PCDH9: variants seen among roughly 807,000 people sequenced by gnomAD.
PCDH9 encodes the protein protocadherin-9.
A neutral mutation model predicts 70.6 loss-of-function variants in PCDH9; 24 were observed. That is an observed-to-expected ratio of 0.34 (90% CI 0.25 to 0.48). PCDH9 has a LOEUF of 0.48. Ranked by LOEUF, PCDH9 falls within the 20% of genes least tolerant of loss-of-function variation. The pLI is 0.99. For synonymous variants in PCDH9, 562 were observed against 558.5 expected (o/e 1.01, Z -0.09); for missense variants, 1,281 against 1,503.6 (o/e 0.85, Z 2.45).
chr13:66,450,650 A>G (rs1211425955), intron 4 of PCDH9, among the ~76,000 whole-genome samples: 1 of 152,200 alleles, frequency 6.6e-6, no homozygotes, highest in Non-Finnish European at 1.5e-5. Context: ...GCCAATGTCC[A>G]TAAATGGTAA....
intron 3 of PCDH9, among the ~76,000 whole-genome samples, chr13:66,684,551 G>A (rs2078373474): frequency 6.6e-6 from 1 of 152,092 alleles, no homozygotes; most frequent in Non-Finnish European, 1.5e-5. Flanking sequence ...GGTTTTATAA[G>A]GGGCTTTCCC....
intron 4 of PCDH9, among the ~76,000 whole-genome samples, chr13:66,398,570 A>G (rs1957141038): frequency 6.6e-6 from 1 of 152,154 alleles, no homozygotes; most frequent in East Asian, 1.9e-4. Context: ...AAGTTTATAG[A>G]TAACATTTAA....
intron 4 of PCDH9, among the ~76,000 whole-genome samples, chr13:66,599,273 G>T (rs1201842672): frequency 1.3e-5 from 2 of 151,234 alleles, no homozygotes; most frequent in Admixed American, 1.3e-4. Context: ...TTTTTTCTTT[G>T]CTGTGGAAAT....
intron 2 of PCDH9, among the ~76,000 whole-genome samples, chr13:66,968,246 T>G (rs1460682927): frequency 6.6e-6 from 1 of 152,062 alleles, no homozygotes; most frequent in Non-Finnish European, 1.5e-5. Context: ...TTCTTTGTCA[T>G]CTTCTAATTT....
intron 4 of PCDH9, among the ~76,000 whole-genome samples, chr13:66,398,180 G>A (rs1017509213): frequency 7.9e-5 from 12 of 151,962 alleles, no homozygotes; most frequent in Admixed American, 1.3e-4. Context: ...AACAAAACAT[G>A]GAGTGAGAAT....
chr13:67,083,472 A>G (rs907799860), intron 2 of PCDH9, among the ~76,000 whole-genome samples: 9 of 152,208 alleles, frequency 5.9e-5, no homozygotes, highest in African/African-American at 1.9e-4. Context: ...AAAAAGAAAT[A>G]TGACTCTTTA....
At chr13:67,062,946 C>T (rs998652430) in intron 2 of PCDH9, among the ~76,000 whole-genome samples, 1 of 152,102 alleles carries the variant, frequency 6.6e-6, no homozygotes, top group African/African-American at 2.4e-5. Context: ...TTAAAAAGTG[C>T]TAAGCAGAGC....
intron 4 of PCDH9, among the ~76,000 whole-genome samples, chr13:66,328,601 G>A (rs148879118): frequency 1.5e-3 from 234 of 152,200 alleles, no homozygotes; most frequent in African/African-American, 5.3e-3. Context: ...GTTGACGTCC[G>A]TATGTCTTAA....
chr13:66,589,174 T>A (rs1455175567), intron 4 of PCDH9, among the ~76,000 whole-genome samples: 1 of 152,046 alleles, frequency 6.6e-6, no homozygotes, highest in Non-Finnish European at 1.5e-5. Context: ...AATGTTTCCG[T>A]ACCTACATAA....
At chr13:66,741,673 T>G (rs2079265566) in intron 3 of PCDH9, among the ~76,000 whole-genome samples, 1 of 32,856 alleles carries the variant, frequency 3.0e-5, no homozygotes, top group East Asian at 1.4e-3. Flanking sequence ...TGTACAAAAA[T>G]CACAAGCATT....
intron 2 of PCDH9, among the ~76,000 whole-genome samples, chr13:67,003,182 G>A (rs568547537): frequency 5.9e-5 from 9 of 151,994 alleles, no homozygotes; most frequent in African/African-American, 1.9e-4. Flanking sequence ...CACATACATG[G>A]TAAGTGTATA....
intron 2 of PCDH9, among the ~76,000 whole-genome samples, chr13:67,153,059 G>A (rs146341943): frequency 7.9e-5 from 12 of 151,726 alleles, no homozygotes; most frequent in African/African-American, 2.4e-4. Context: ...GGACATGCTC[G>A]CCTCTCCCTC....
intron 4 of PCDH9, among the ~76,000 whole-genome samples, chr13:66,590,574 A>G (rs566259754): frequency 8.7e-4 from 132 of 152,052 alleles, no homozygotes; most frequent in Middle Eastern, 3.4e-3. Context: ...TATAGATCTA[A>G]TCTGTGTTTA....
In PCDH9 at chr13:66,811,411, G is replaced by A. The variant is rs376735604; in HGVS notation, c.3138+92093C>T. On this transcript the variant is annotated intron_variant, in intron 3 of 4. Transcript: ENST00000377865. ...TGTCAAAGATTTTGTAATCATGAAGGGAATAAGTAGTAAAAATGTTTTACG... is the reference window on the plus strand; with the variant it reads ...TGTCAAAGATTTTGTAATCATGAAGAGAATAAGTAGTAAAAATGTTTTACG... Among the ~76,000 whole-genome samples the A allele has an allele frequency of 5.3e-5, 8 of 152,164 alleles. 1 individual carries two copies. The highest frequency in any genetic ancestry group is 1.9e-4 in the African/African-American group (8 of 41,510).
In PCDH9 at chr13:66,976,076, T is replaced by C. The variant is rs117814779; in HGVS notation, c.3037-72471A>G. ...AATATTTCTGTTGAAAGATAGGGCA[T>C]GTACAAAGTAAGACAGGAGACGGTC... On this transcript the variant is annotated intron_variant, in intron 2 of 4. Coordinates refer to ENST00000377865, the MANE Select transcript of PCDH9 (RefSeq NM_203487.3). Among the ~76,000 whole-genome samples the C allele has an allele frequency of 6.5e-3, 990 of 152,072 alleles. 4 individuals are homozygous for C. Among genetic ancestry groups the C allele is most frequent in the Non-Finnish European group, 9.8e-3 (667 of 67,918 alleles).
At chr13:67,173,847 T>C (rs2088365902) in intron 2 of PCDH9, among the ~76,000 whole-genome samples, 1 of 152,186 alleles carries the variant, frequency 6.6e-6, no homozygotes, top group Non-Finnish European at 1.5e-5. Context: ...ACTTGATCTA[T>C]AGAGTTGCAT....
At chr13:66,539,238 A>G (rs1184394696) in intron 4 of PCDH9, among the ~76,000 whole-genome samples, 3 of 151,972 alleles carry the variant, frequency 2.0e-5, no homozygotes, top group Non-Finnish European at 4.4e-5. Flanking sequence ...TCTTACTACA[A>G]TCTACTGGAA....
chr13:66,898,319 G>A (rs1330026007), intron 3 of PCDH9, among the ~76,000 whole-genome samples: 1 of 151,546 alleles, frequency 6.6e-6, no homozygotes, highest in Non-Finnish European at 1.5e-5. Context: ...CTAGCCTTGG[G>A]GTTTTCCAAA....
intron 2 of PCDH9, among the ~76,000 whole-genome samples, chr13:67,000,248 T>C (rs1046993088): frequency 2.0e-5 from 3 of 147,820 alleles, no homozygotes; most frequent in Admixed American, 7.0e-5. Context: ...AACCAAACAC[T>C]GCATATTCTC....
Sources: allele counts gnomAD v4.1 joint callset (sites outside exome capture counted in the v4.1 genomes callset), GRCh38; gene constraint gnomAD v4.1.1; transcripts MANE v1.5; gene names NCBI Gene and HGNC (gene_info 2026-07-23, HGNC 2026-07-21).